The following GRM5 variants were observed in gnomAD, a reference collection of about 807,000 sequenced individuals.
The protein encoded by GRM5 is metabotropic glutamate receptor 5.
A neutral mutation model predicts 83.1 loss-of-function variants in GRM5; 19 were observed. The observed-to-expected ratio is 0.23, with a 90% CI of 0.16 to 0.34. GRM5 has a LOEUF of 0.34. Among genes scored for constraint, GRM5 ranks in the 10% least tolerant of loss-of-function variants. The pLI is 1.00. For missense variants in GRM5, 1,160 were observed against 1,588.3 expected, an observed-to-expected ratio of 0.73 and a Z score of 4.58; for synonymous variants, 675 against 633.6, an observed-to-expected ratio of 1.07 and a Z score of -0.98.
At chr11:89,064,886 CTCTGTGTG>C (rs750135591) in intron 1 of GRM5, among the ~76,000 whole-genome samples, 194 of 72,558 alleles carry the variant, frequency 2.7e-3, no homozygotes, top group Middle Eastern at 0.014. Flanking sequence ...CTCTCTCTCT[CTCTGTGTG>C]TGTGTGTGTG....
At chr11:88,958,538 CAATATAA>C (rs1938692732) in intron 2 of GRM5, among the ~76,000 whole-genome samples, 1 of 151,948 alleles carries the variant, frequency 6.6e-6, no homozygotes, top group Non-Finnish European at 1.5e-5. Context: ...TCACACATTT[CAATATAA>C]AATATAACTA....
Position 88,577,554 on chromosome 11 carries a change from T to A in GRM5, c.1691-9562A>T, listed in dbSNP as rs145955978. On this transcript the variant is annotated intron_variant, in intron 7 of 9. Coordinates refer to ENST00000305447, the MANE Select transcript of GRM5 (RefSeq NM_001143831.3). Reference sequence around the variant, plus strand: ...ATGTATTGACCAAATGCTCAGGCTCTGTGACTTTACTCTGCTAGTCATTGT... The same window carrying A: ...ATGTATTGACCAAATGCTCAGGCTCAGTGACTTTACTCTGCTAGTCATTGT... Among the ~76,000 whole-genome samples, 427 of 152,300 alleles carry A rather than the reference T, an allele frequency of 2.8e-3. 1 individual carries two copies. The highest frequency in any genetic ancestry group is 4.6e-3 in the Non-Finnish European group (310 of 67,986).
At chr11:88,806,800 T>C (rs927162171) in intron 3 of GRM5, among the ~76,000 whole-genome samples, 3 of 152,204 alleles carry the variant, frequency 2.0e-5, no homozygotes, top group African/African-American at 4.8e-5. Flanking sequence ...CATCTTTTTA[T>C]ACTTGTATTC....
intron 2 of GRM5, among the ~76,000 whole-genome samples, chr11:88,956,603 G>A (rs1026875201): frequency 6.6e-6 from 1 of 151,054 alleles, no homozygotes; most frequent in African/African-American, 2.4e-5. Context: ...TCAGGAAATC[G>A]AGACCATCCT....
chr11:88,559,679 A>G (rs1001004529), intron 8 of GRM5, among the ~76,000 whole-genome samples: 7 of 152,196 alleles, frequency 4.6e-5, no homozygotes, highest in Non-Finnish European at 1.0e-4. Context: ...TTATCCATGT[A>G]TTCATTTAAC....
intron 8 of GRM5, among the ~76,000 whole-genome samples, chr11:88,541,916 C>T (rs1265573819): frequency 6.6e-6 from 1 of 152,172 alleles, no homozygotes; most frequent in African/African-American, 2.4e-5. Context: ...CCATGCTCTT[C>T]TCATGATAGT....
intron 3 of GRM5, among the ~76,000 whole-genome samples, chr11:88,723,235 C>A (rs1358727285): frequency 6.6e-6 from 1 of 151,632 alleles, no homozygotes; most frequent in East Asian, 2.0e-4. Context: ...TCACTGACTA[C>A]TATTCTATTG....
chr11:89,029,600 GT>G (rs1189238349), intron 2 of GRM5, among the ~76,000 whole-genome samples: 1 of 152,132 alleles, frequency 6.6e-6, no homozygotes, highest in African/African-American at 2.4e-5. Flanking sequence ...TAAGCGTTGA[GT>G]TTATTGAGGC....
intron 5 of GRM5, among the ~76,000 whole-genome samples, chr11:88,600,738 A>C (rs1270875015): frequency 6.6e-6 from 1 of 152,230 alleles, no homozygotes; most frequent in Non-Finnish European, 1.5e-5. Context: ...AAGGGGCTGA[A>C]ACAGGGTTGT....
intron 3 of GRM5, among the ~76,000 whole-genome samples, chr11:88,812,582 G>A (rs1008874817): frequency 6.6e-6 from 1 of 152,068 alleles, no homozygotes; most frequent in African/African-American, 2.4e-5. Context: ...GTTCTGCATT[G>A]TTCAGTAAGT....
chr11:88,903,849 G>T (rs902352881), intron 2 of GRM5, among the ~76,000 whole-genome samples: 42 of 152,246 alleles, frequency 2.8e-4, no homozygotes, highest in African/African-American at 9.9e-4. Flanking sequence ...TTACCGCTGT[G>T]CAATTTAGGG....
chr11:88,735,563 G>A (rs998571546), intron 3 of GRM5, among the ~76,000 whole-genome samples: 2 of 151,994 alleles, frequency 1.3e-5, no homozygotes, highest in African/African-American at 2.4e-5. Flanking sequence ...CCCACTGACT[G>A]GTAAACAGGA....
intron 4 of GRM5, among the ~76,000 whole-genome samples, chr11:88,606,874 T>C (rs1159650129): frequency 6.7e-6 from 1 of 149,148 alleles, no homozygotes; most frequent in Non-Finnish European, 1.5e-5. Context: ...AAAAAATAGG[T>C]GAAAGAAAGA....
At chr11:88,976,866 A>G (rs115713430) in intron 2 of GRM5, among the ~76,000 whole-genome samples, 7,516 of 151,982 alleles carry the variant, frequency 0.049, 615 homozygotes, top group African/African-American at 0.17. Context: ...ATACAAAAAA[A>G]AAATACTTAG....
chr11:89,060,845 C>A (rs948995453), intron 1 of GRM5, among the ~76,000 whole-genome samples: 26 of 152,064 alleles, frequency 1.7e-4, no homozygotes, highest in Non-Finnish European at 2.9e-4. Flanking sequence ...ATTGAAGTTT[C>A]TTTTCTTGGG....
chr11:88,943,937 A>G (rs1407815128), intron 2 of GRM5, among the ~76,000 whole-genome samples: 1 of 151,988 alleles, frequency 6.6e-6, no homozygotes, highest in East Asian at 1.9e-4. Context: ...CTCTTTTCTG[A>G]AATGGAGATG....
At chr11:88,896,599 C>T (rs1233012229) in intron 2 of GRM5, among the ~76,000 whole-genome samples, 1 of 151,882 alleles carries the variant, frequency 6.6e-6, no homozygotes, top group Non-Finnish European at 1.5e-5. Context: ...AAGCTTGAGA[C>T]TGAAGAAGAC....
intron 2 of GRM5, among the ~76,000 whole-genome samples, chr11:88,967,591 T>G (rs1478932653): frequency 2.0e-5 from 3 of 151,992 alleles, no homozygotes; most frequent in Admixed American, 2.0e-4. Flanking sequence ...AATAACGGCA[T>G]TAATCCATTC....
chr11:88,594,582 A>T (rs1266273016), intron 6 of GRM5, among the ~76,000 whole-genome samples: 2 of 152,260 alleles, frequency 1.3e-5, no homozygotes, highest in African/African-American at 4.8e-5. Context: ...ATAATAAGAC[A>T]TACAGAAAAT....
Sources: gnomAD v4.1 joint callset for allele counts (sites outside exome capture counted in the v4.1 genomes callset) on GRCh38, gnomAD v4.1.1 for gene constraint, MANE v1.5 for transcripts, NCBI Gene and HGNC (gene_info 2026-07-23, HGNC 2026-07-21) for gene names.